Variants in OSBPL9 observed in about 807,000 individuals in gnomAD.
OSBPL9 encodes oxysterol binding protein like 9, also known as oxysterol-binding protein-related protein 9.
Under a neutral mutation model 106.6 loss-of-function variants are expected in OSBPL9, and 40 were observed. The ratio of observed to expected loss-of-function variants is 0.38; its 90% confidence interval spans 0.29 to 0.49. The LOEUF (loss-of-function observed/expected upper bound fraction) is 0.49, where lower values mean the gene tolerates loss of function less well. Ranked by LOEUF, OSBPL9 falls within the 20% of genes least tolerant of loss-of-function variation. The pLI, the probability that OSBPL9 is intolerant of heterozygous loss-of-function variation, is 0.97. For synonymous variants in OSBPL9, 269 were observed against 295.4 expected, an observed-to-expected ratio of 0.91 and a Z score of 0.92; for missense variants, 609 against 887.2, an observed-to-expected ratio of 0.69 and a Z score of 3.98.
At chr1:51,710,827 C>G (rs935674183) in intron 3 of OSBPL9, among the ~76,000 whole-genome samples, 1 of 152,136 alleles carries the variant, frequency 6.6e-6, no homozygotes, top group Non-Finnish European at 1.5e-5. Context: ...AGTATTTTTA[C>G]TGAGATGTGC....
intron 3 of OSBPL9, among the ~76,000 whole-genome samples, chr1:51,703,242 A>T (rs1292014929): frequency 6.6e-6 from 1 of 152,130 alleles, no homozygotes; most frequent in Non-Finnish European, 1.5e-5. Flanking sequence ...CAGTGTGGCC[A>T]TTTTCACGAT....
At chr1:51,721,231 C>T (rs1371084082) in intron 4 of OSBPL9, among the ~76,000 whole-genome samples, 1 of 150,068 alleles carries the variant, frequency 6.7e-6, no homozygotes, top group South Asian at 2.1e-4. Flanking sequence ...TAAGAGTATA[C>T]AAGGGAAAGG....
chr1:51,709,912 G>T (rs987733725), intron 3 of OSBPL9: 2 of 152,314 alleles, frequency 1.3e-5, no homozygotes, highest in African/African-American at 4.8e-5. Context: ...GGCCAAGTCT[G>T]GGCCTGTATT....
chr1:51,580,198 G>T (rs1255807140), intron 1 of OSBPL9, among the ~76,000 whole-genome samples: 1 of 152,194 alleles, frequency 6.6e-6, no homozygotes, highest in Non-Finnish European at 1.5e-5. Context: ...AAAAAGCCTT[G>T]TGGGGTGGTG....
chr1:51,543,422 G>T, the OSBPL9 span, among the ~76,000 whole-genome samples: 2 of 152,080 alleles, frequency 1.3e-5, no homozygotes, highest in African/African-American at 4.8e-5. Flanking sequence ...TTGAGACGGA[G>T]TCTCACTCTG....
At chr1:51,745,878 A>T (rs879475625) in intron 5 of OSBPL9, among the ~76,000 whole-genome samples, 2 of 152,200 alleles carry the variant, frequency 1.3e-5, no homozygotes, top group Non-Finnish European at 2.9e-5. Context: ...ATGTAGGCAT[A>T]ATTAGAAAAA....
the OSBPL9 span, chr1:51,560,767 G>A: frequency 6.6e-6 from 1 of 152,298 alleles, no homozygotes; most frequent in Non-Finnish European, 1.5e-5. Flanking sequence ...CTGGCAGAGA[G>A]AGGGAAGCTG....
At position 51,700,944 on chromosome 1, in the gene OSBPL9, A is replaced by AT. The variant is rs369435948; in HGVS notation, c.242-13047dup. Among the ~76,000 whole-genome samples, 1,113 of 145,834 alleles carry AT rather than the reference A, an allele frequency of 7.6e-3. 6 individuals carry two copies. The highest frequency in any genetic ancestry group is 0.013 in the Non-Finnish European group (833 of 65,904). ...AGTCCTTCTACACTTATTCATTGTA[A>AT]TTTTTTTTTTTTGAGATGGAGTCTC... On this transcript the variant is annotated intron_variant, in intron 3 of 23. Coordinates refer to ENST00000428468, the MANE Select transcript of OSBPL9 (RefSeq NM_024586.6).
intron 1 of OSBPL9, among the ~76,000 whole-genome samples, chr1:51,628,541 G>A (rs377466265): frequency 4.0e-5 from 6 of 151,540 alleles, no homozygotes; most frequent in Admixed American, 1.3e-4. Context: ...CTGAGATTGC[G>A]CCACTGCACC....
the OSBPL9 span, among the ~76,000 whole-genome samples, chr1:51,532,408 C>G: frequency 6.6e-6 from 1 of 151,900 alleles, no homozygotes; most frequent in African/African-American, 2.4e-5. Context: ...TTGAGAATAC[C>G]GAAGAGGGCT....
At chr1:51,701,723 TG>T (rs1400563230) in intron 3 of OSBPL9, among the ~76,000 whole-genome samples, 11 of 152,148 alleles carry the variant, frequency 7.2e-5, no homozygotes, top group Admixed American at 4.6e-4. Context: ...TGTATACATG[TG>T]CCATGTTGGT....
In OSBPL9 at chr1:51,745,400, A is replaced by T. The variant is rs1410517464; in HGVS notation, c.319-136A>T. 4 of 1,279,800 alleles carry T rather than the reference A, an allele frequency of 3.1e-6. No homozygotes were observed. The Admixed American group carries it at 8.1e-5, about 26-fold the overall frequency. 79.3% of individuals were successfully genotyped at this position (1,279,800 alleles called of 1,614,324 possible). ...GTTTAAATAGACCTAACTGTTAAAT[A>T]GACCTATTATTTGTGTCAAAATAGA... On this transcript the variant is annotated intron_variant, in intron 4 of 23. Transcript: ENST00000428468.
intron 2 of OSBPL9, among the ~76,000 whole-genome samples, chr1:51,602,423 T>G (rs2148604070): frequency 6.8e-6 from 1 of 146,708 alleles, no homozygotes. Context: ...TTTTTAATTT[T>G]TTTTTTTTTT....
intron 3 of OSBPL9, among the ~76,000 whole-genome samples, chr1:51,671,522 A>G (rs554492588): frequency 1.2e-3 from 183 of 152,304 alleles, no homozygotes; most frequent in African/African-American, 4.0e-3. Flanking sequence ...TTCAACATCT[A>G]TTTTAGACAT....
intron 4 of OSBPL9, among the ~76,000 whole-genome samples, chr1:51,732,614 A>G (rs1664715788): frequency 6.6e-6 from 1 of 152,168 alleles, no homozygotes; most frequent in Non-Finnish European, 1.5e-5. Context: ...TTGCCTTAGT[A>G]ATATTTTTCA....
chr1:51,596,021 C>G (rs192920914), intron 1 of OSBPL9, among the ~76,000 whole-genome samples: 39 of 152,176 alleles, frequency 2.6e-4, no homozygotes, highest in Non-Finnish European at 1.5e-4. Flanking sequence ...CTTTGGGAGG[C>G]CGAAGTGGGT....
the OSBPL9 span, among the ~76,000 whole-genome samples, chr1:51,545,506 C>CA: frequency 6.6e-6 from 1 of 152,146 alleles, no homozygotes. Flanking sequence ...GAGCCAGGTG[C>CA]AGTGGCTCAC....
chr1:51,678,132 A>G (rs998563494), intron 3 of OSBPL9, among the ~76,000 whole-genome samples: 4 of 152,108 alleles, frequency 2.6e-5, no homozygotes, highest in African/African-American at 9.7e-5. Flanking sequence ...GCAGTGAGCT[A>G]GGATCACACC....
In OSBPL9 at chr1:51,789,120, T is replaced by G. The variant is rs1678410293; in HGVS notation, c.*1331T>G. ...ATAAAAAGTAAATCAAATGCTATGA[T>G]GCCAGTGCAAAACTTCAATGGAAGC... is the stretch of plus-strand genomic sequence containing the variant. On this transcript the variant is annotated 3_prime_UTR_variant, in exon 24 of 24. Transcript: ENST00000428468. The G allele has an allele frequency of 5.4e-6, 5 of 922,760 alleles. 1 individual carries two copies. In the Admixed American group the frequency reaches 9.5e-5, roughly 18 times the overall value. The allele number at this position is 922,760 out of a possible 1,614,324, so 57.2% of individuals were successfully genotyped here.
Sources: allele counts gnomAD v4.1 joint callset (sites outside exome capture counted in the v4.1 genomes callset), GRCh38; gene constraint gnomAD v4.1.1; transcripts MANE v1.5; gene names NCBI Gene and HGNC (gene_info 2026-07-23, HGNC 2026-07-21).